The following PDE5A variants were observed in gnomAD, a reference collection of about 807,000 sequenced individuals.
The protein encoded by PDE5A is phosphodiesterase 5A, also known as cGMP-specific 3',5'-cyclic phosphodiesterase.
In PDE5A, 67 loss-of-function variants were observed where a neutral mutation model predicts 110.2. That is an observed-to-expected ratio of 0.61 (90% CI 0.50 to 0.75). PDE5A has a LOEUF of 0.75. Among genes scored for constraint, PDE5A ranks in the 30% least tolerant of loss-of-function variants. The pLI is 0.00. For synonymous variants in PDE5A, 328 were observed against 351.2 expected (o/e 0.93, Z 0.74); for missense variants, 862 against 1,045.1 (o/e 0.82, Z 2.42).
intron 3 of PDE5A, among the ~76,000 whole-genome samples, chr4:119,574,105 G>C (rs974352872): frequency 1.3e-5 from 2 of 149,534 alleles, no homozygotes; most frequent in African/African-American, 4.9e-5. Flanking sequence ...CTCCAGACTT[G>C]ATCCCAAGAG....
chr4:119,600,098 A>G (rs1053756997), intron 2 of PDE5A, among the ~76,000 whole-genome samples: 17 of 152,150 alleles, frequency 1.1e-4, no homozygotes, highest in Admixed American at 4.6e-4. Flanking sequence ...TGTATGTACT[A>G]TAAGAAGTGC....
At chr4:119,617,367 G>GAC (rs149229368) in intron 1 of PDE5A, among the ~76,000 whole-genome samples, 22 of 150,788 alleles carry the variant, frequency 1.5e-4, no homozygotes, top group African/African-American at 2.2e-4. Flanking sequence ...TAGCTAAAGG[G>GAC]ACACACACAC....
intron 19 of PDE5A, among the ~76,000 whole-genome samples, chr4:119,501,528 A>C (rs1725334083): frequency 6.6e-6 from 1 of 151,984 alleles, no homozygotes. Flanking sequence ...AGAACTCCTG[A>C]CCTCAAGGGA....
rs201202370 is a variant in PDE5A at position 119,607,015 on chromosome 4, T to G, written c.435A>C (p.Glu145Asp). The G allele has an allele frequency of 1.2e-5, 20 of 1,614,194 alleles. No homozygotes were observed. Among genetic ancestry groups the G allele is most frequent in the Non-Finnish European group, 1.7e-5 (20 of 1,180,028 alleles). ...CCAAGAGTCTTGAGCACTGGTCCCCTTCATCATGATCAAACCTTGGAGGGG... is the reference window on the plus strand; with the variant it reads ...CCAAGAGTCTTGAGCACTGGTCCCCGTCATCATGATCAAACCTTGGAGGGG... ...PLTPPRFDHDEGDQCSRLLEL... is the reference protein window; with the variant it reads ...PLTPPRFDHDDGDQCSRLLEL... The change falls in exon 2 of 21, where the codon GAA becomes GAC. Residue 145 changes from glutamate to aspartate, a missense_variant. Transcript: ENST00000354960.
intron 1 of PDE5A, among the ~76,000 whole-genome samples, chr4:119,620,218 T>G (rs892205684): frequency 6.6e-6 from 1 of 152,210 alleles, no homozygotes; most frequent in East Asian, 1.9e-4. Context: ...CTAAGTGATA[T>G]CCTCCAATAA....
intron 14 of PDE5A, among the ~76,000 whole-genome samples, chr4:119,517,873 A>G (rs995580771): frequency 5.9e-5 from 9 of 152,056 alleles, no homozygotes; most frequent in African/African-American, 2.2e-4. Flanking sequence ...TTTTCATATC[A>G]GTGTCCCCTT....
At chr4:119,564,038 A>C (rs1307677626) in intron 5 of PDE5A, among the ~76,000 whole-genome samples, 1 of 152,140 alleles carries the variant, frequency 6.6e-6, no homozygotes, top group African/African-American at 2.4e-5. Context: ...GAATGAAAAA[A>C]AATACTGTGA....
chr4:119,575,934 G>A (rs4337718), intron 3 of PDE5A, among the ~76,000 whole-genome samples: 115,363 of 152,110 alleles, frequency 0.76, 44,093 homozygotes, highest in East Asian at 0.89. Context: ...GCTGTATTCA[G>A]GAAACCCATC....
In PDE5A at chr4:119,502,760, T is replaced by A. The variant is rs370981050; in HGVS notation, c.2332-105A>T. On this transcript the variant is annotated intron_variant, in intron 18 of 20. Transcript: ENST00000354960. ...TTAGGAGCTGTATATCTCCATTTTA[T>A]AGCAAATAAGCAGCAGCTTGATACC... is the stretch of plus-strand genomic sequence containing the variant. 8 of 709,006 alleles carry A rather than the reference T, an allele frequency of 1.1e-5. No homozygotes were observed. In the East Asian group the frequency reaches 2.1e-4, roughly 18 times the overall value. The allele number at this position is 709,006 out of a possible 1,614,324, so 43.9% of individuals were successfully genotyped here.
chr4:119,508,817 T>C (rs1725644382), intron 15 of PDE5A, among the ~76,000 whole-genome samples: 1 of 152,028 alleles, frequency 6.6e-6, no homozygotes. Flanking sequence ...GCTGAGGATA[T>C]AATTTCTTGT....
chr4:119,552,677 A>C, intron 8 of PDE5A, 40 bp from the exon 9 acceptor site: 3 of 1,127,246 alleles, frequency 2.7e-6, no homozygotes, highest in Non-Finnish European at 3.8e-6. Context: ...TAAAATGGTA[A>C]AGAGATTGAT....
intron 3 of PDE5A, among the ~76,000 whole-genome samples, chr4:119,577,133 C>T (rs1258237852): frequency 6.6e-6 from 1 of 152,140 alleles, no homozygotes; most frequent in Non-Finnish European, 1.5e-5. Context: ...CAAGACTAAA[C>T]CAGGAAGAAG....
chr4:119,621,544 T>C (rs1052401979), intron 1 of PDE5A, among the ~76,000 whole-genome samples: 2 of 151,930 alleles, frequency 1.3e-5, no homozygotes. Flanking sequence ...GATGAATACA[T>C]GAACAAATGG....
At chr4:119,523,786 C>T (rs1726211838) in intron 12 of PDE5A, among the ~76,000 whole-genome samples, 1 of 152,046 alleles carries the variant, frequency 6.6e-6, no homozygotes, top group South Asian at 2.1e-4. Context: ...TCACATTCCT[C>T]TACTCTAGCC....
At chr4:119,499,305 T>G (rs1424507155) in intron 20 of PDE5A, among the ~76,000 whole-genome samples, 2 of 152,218 alleles carry the variant, frequency 1.3e-5, no homozygotes, top group African/African-American at 4.8e-5. Flanking sequence ...GTTGTCACTG[T>G]AAAACCTCCC....
chr4:119,586,508 C>T (rs562140410), intron 3 of PDE5A, among the ~76,000 whole-genome samples: 48 of 152,244 alleles, frequency 3.2e-4, no homozygotes, highest in African/African-American at 1.1e-3. Context: ...GATGTTTGTA[C>T]ATATCTATTG....
intron 11 of PDE5A, among the ~76,000 whole-genome samples, chr4:119,531,838 A>C (rs1726554132): frequency 6.6e-6 from 1 of 152,130 alleles, no homozygotes; most frequent in African/African-American, 2.4e-5. Flanking sequence ...TGAAGCACAA[A>C]TAAGTCACAT....
intron 12 of PDE5A, among the ~76,000 whole-genome samples, chr4:119,524,738 C>T (rs1726247164): frequency 1.3e-5 from 2 of 152,060 alleles, no homozygotes; most frequent in Admixed American, 1.3e-4. Context: ...AGACATTCAA[C>T]TGATCAGAAA....
In PDE5A at chr4:119,543,045, TACAC is replaced by T. The variant is rs70944890; in HGVS notation, c.1397-415_1397-412del. 5.2e-3 allele frequency: 648 copies of T among 124,474 alleles called. 4 individuals carry two copies. Among genetic ancestry groups the T allele is most frequent in the African/African-American group, 9.8e-3 (314 of 31,988 alleles). 7.7% of individuals were successfully genotyped at this position (124,474 alleles called of 1,614,324 possible). A position where few individuals can be genotyped will look rare whatever the true frequency, so the allele number is the denominator to read the frequency against. On this transcript the variant is annotated intron_variant, in intron 9 of 20. Coordinates refer to ENST00000354960, the MANE Select transcript of PDE5A (RefSeq NM_001083.4). ...TTACTGAGAAACCAGAAGTTAAACA[TACAC>T]ACACACACACACACACACACACACA... is the stretch of plus-strand genomic sequence containing the variant.
Sources: gnomAD v4.1 joint callset for allele counts (sites outside exome capture counted in the v4.1 genomes callset) on GRCh38, gnomAD v4.1.1 for gene constraint, MANE v1.5 for transcripts, NCBI Gene and HGNC (gene_info 2026-07-23, HGNC 2026-07-21) for gene names.